The following OSBP2 variants were observed in gnomAD, a reference collection of about 807,000 sequenced individuals.
The protein encoded by OSBP2 is oxysterol-binding protein 2.
A neutral mutation model predicts 96.0 loss-of-function variants in OSBP2; 66 were observed. That is an observed-to-expected ratio of 0.69 (90% CI 0.56 to 0.84). The LOEUF is 0.84. OSBP2 is among the 40% of genes least tolerant of loss of function. The pLI, the probability that OSBP2 is intolerant of heterozygous loss-of-function variation, is 0.00. For missense variants in OSBP2, 1,038 were observed against 1,222.7 expected, an observed-to-expected ratio of 0.85 and a Z score of 2.25; for synonymous variants, 525 against 520.9, an observed-to-expected ratio of 1.01 and a Z score of -0.11.
chr22:30,767,083 T>TA (rs2090282190), intron 2 of OSBP2, among the ~76,000 whole-genome samples: 1 of 139,222 alleles, frequency 7.2e-6, no homozygotes, highest in Non-Finnish European at 1.5e-5. Context: ...TTTTTTTTTT[T>TA]AACTGTTGTT....
chr22:30,821,105 C>T lies in OSBP2; in HGVS notation c.854-49324C>T, dbSNP rs1029486672. ...GTTGGAGATGAAGCAGTGGCTAAAA[C>T]TCAGTCCCAGGGCCCAGAGTCTGTA... On this transcript the variant is annotated intron_variant, in intron 2 of 13. Coordinates refer to ENST00000332585, the MANE Select transcript of OSBP2 (RefSeq NM_030758.4). Among the ~76,000 whole-genome samples the T allele has an allele frequency of 2.6e-5, 4 of 152,216 alleles. No individual in the cohort carries two copies. The East Asian group carries it at 7.7e-4, about 29-fold the overall frequency.
At chr22:30,715,848 C>T (rs2089444301) in intron 1 of OSBP2, among the ~76,000 whole-genome samples, 1 of 134,548 alleles carries the variant, frequency 7.4e-6, no homozygotes, top group Admixed American at 8.7e-5. Context: ...TGAGCCACCA[C>T]ACCTAACCTT....
At position 30,906,392 on chromosome 22, in the gene OSBP2, A is replaced by G; in HGVS notation, c.*53A>G. The G allele has an allele frequency of 1.3e-6, 2 of 1,530,222 alleles. No homozygotes were observed. Among genetic ancestry groups the G allele is most frequent in the Non-Finnish European group, 8.8e-7 (1 of 1,137,564 alleles). The allele number at this position is 1,530,222 out of a possible 1,614,324, so 94.8% of individuals were successfully genotyped here. A position where few individuals can be genotyped will look rare whatever the true frequency, so the allele number is the denominator to read the frequency against. Reference sequence around the variant, plus strand: ...CCTGCACAGCCTGGCCCACCTGTTCATTAATGCACTCAATTTAGTACTGAA... The same window carrying G: ...CCTGCACAGCCTGGCCCACCTGTTCGTTAATGCACTCAATTTAGTACTGAA... On this transcript the variant is annotated 3_prime_UTR_variant, in exon 14 of 14. Transcript: ENST00000332585.
rs200770551 is a variant in OSBP2, at chr22:30,889,284, G to C, written c.1476+50G>C. 1.6e-5 allele frequency: 25 copies of C among 1,565,282 alleles called. No individual in the cohort carries two copies. The East Asian group carries it at 4.3e-4, about 27-fold the overall frequency. On this transcript the variant is annotated intron_variant, in intron 6 of 13. Transcript: ENST00000332585. ...GGCCAGAAGGCAGCTTCTGGCCTAG[G>C]GGGTGGGAGGGACAGGCCAGCACCA...
chr22:30,752,757 C>T (rs2145758318), intron 2 of OSBP2, among the ~76,000 whole-genome samples: 1 of 152,188 alleles, frequency 6.6e-6, no homozygotes, highest in Admixed American at 6.6e-5. Context: ...TAGACTTTCC[C>T]AAGAGACAGA....
At chr22:30,833,299 CT>C (rs887431877) in intron 2 of OSBP2, among the ~76,000 whole-genome samples, 1 of 152,072 alleles carries the variant, frequency 6.6e-6, no homozygotes, top group African/African-American at 2.4e-5. Context: ...TAATTCATGA[CT>C]TTTTTTTCCT....
rs2147111420 is a variant in OSBP2 at position 30,871,447 on chromosome 22, T to A, written c.1107+765T>A. ...CACAGGTCTGACTGCAACAGCCTCCTCCCAGGACAGTCCCCCAGGGCGGCA... is the reference window on the plus strand; with the variant it reads ...CACAGGTCTGACTGCAACAGCCTCCACCCAGGACAGTCCCCCAGGGCGGCA... On this transcript the variant is annotated intron_variant, in intron 3 of 13. Coordinates refer to ENST00000332585, the MANE Select transcript of OSBP2 (RefSeq NM_030758.4). This position sits in a 1 kb window ranked among gnomAD's most constrained non-coding sequence, Gnocchi z 4.7. Among the ~76,000 whole-genome samples the A allele has an allele frequency of 6.6e-6, 1 of 152,158 alleles. No homozygotes were observed. Among genetic ancestry groups the A allele is most frequent in the South Asian group, 2.1e-4 (1 of 4,816 alleles).
intron 2 of OSBP2, among the ~76,000 whole-genome samples, chr22:30,762,405 G>A (rs1206529368): frequency 2.6e-5 from 4 of 152,012 alleles, no homozygotes; most frequent in South Asian, 4.2e-4. Context: ...AAAATTAGCC[G>A]GGCGTGGTGG....
chr22:30,879,359 C>T (rs1208606626), intron 3 of OSBP2, among the ~76,000 whole-genome samples: 3 of 152,206 alleles, frequency 2.0e-5, no homozygotes, highest in South Asian at 2.1e-4. Context: ...TTCCTGTGTG[C>T]GAGTGGCAAA....
chr22:30,708,689 T>C (rs2089295859), intron 1 of OSBP2, among the ~76,000 whole-genome samples: 1 of 150,770 alleles, frequency 6.6e-6, no homozygotes, highest in African/African-American at 2.4e-5. Context: ...GGTTTCACCA[T>C]GTTGGCCAGG....
intron 2 of OSBP2, among the ~76,000 whole-genome samples, chr22:30,743,763 T>C (rs1385521255): frequency 1.3e-5 from 2 of 152,200 alleles, no homozygotes; most frequent in African/African-American, 2.4e-5. Flanking sequence ...AGTCATGGGA[T>C]TAGTCATCCG....
intron 2 of OSBP2, among the ~76,000 whole-genome samples, chr22:30,862,360 GGT>G (rs1221056896): frequency 3.3e-5 from 5 of 152,238 alleles, no homozygotes; most frequent in Non-Finnish European, 7.3e-5. Flanking sequence ...GGGCCATGGG[GGT>G]GGCAGGTGCC....
intron 1 of OSBP2, among the ~76,000 whole-genome samples, chr22:30,722,146 G>C (rs2089561739): frequency 6.6e-6 from 1 of 152,224 alleles, no homozygotes; most frequent in Non-Finnish European, 1.5e-5. Flanking sequence ...GAGACACTTA[G>C]TGTGCAGCCT....
intron 3 of OSBP2, among the ~76,000 whole-genome samples, chr22:30,875,846 C>G (rs1250975454): frequency 2.0e-5 from 3 of 152,260 alleles, no homozygotes; most frequent in African/African-American, 4.8e-5. Flanking sequence ...CAGACCTTAG[C>G]AGCTGCCTCC....
intron 2 of OSBP2, among the ~76,000 whole-genome samples, chr22:30,831,936 TC>T (rs2038531304): frequency 6.6e-6 from 1 of 152,130 alleles, no homozygotes; most frequent in South Asian, 2.1e-4. Context: ...AATTGCCTTC[TC>T]CCATGGCTGT....
rs775625974 is a variant in OSBP2, at chr22:30,893,626, C to A, written c.2095-12C>A. 6.2e-7 allele frequency: 1 copy of A among 1,613,974 alleles called. No homozygotes were observed. The highest frequency in any genetic ancestry group is 8.5e-7 in the Non-Finnish European group (1 of 1,179,806). On this transcript the variant is annotated splice_polypyrimidine_tract_variant and intron_variant, in intron 10 of 13. Coordinates refer to ENST00000332585, the MANE Select transcript of OSBP2 (RefSeq NM_030758.4). ...CGGGGGCTGGCCGCTGACCACTGCC[C>A]TCCTTCGCCAGTCAGGGGACATCGA...
At chr22:30,757,468 A>G (rs1428773126) in intron 2 of OSBP2, among the ~76,000 whole-genome samples, 1 of 150,782 alleles carries the variant, frequency 6.6e-6, no homozygotes, top group Admixed American at 6.6e-5. Context: ...CCCAAGCTGG[A>G]GTACAATGGC....
At chr22:30,803,990 G>GC (rs34730103) in intron 2 of OSBP2, among the ~76,000 whole-genome samples, 3 of 152,208 alleles carry the variant, frequency 2.0e-5, no homozygotes, top group Non-Finnish European at 4.4e-5. Context: ...CCCTACAGCT[G>GC]CCCCCCTTCT....
At chr22:30,694,097 G>T, upstream of OSBP2, 1 of 1,399,850 alleles carries the variant, frequency 7.1e-7, no homozygotes, top group South Asian at 1.2e-5. Context: ...AAGCCTCACA[G>T]ACTGCCAGCC....
Sources: allele counts gnomAD v4.1 joint callset (sites outside exome capture counted in the v4.1 genomes callset), GRCh38; gene constraint gnomAD v4.1.1; non-coding constraint Gnocchi (gnomAD v3.1); transcripts MANE v1.5; gene names NCBI Gene and HGNC (gene_info 2026-07-23, HGNC 2026-07-21).